GTF2A2: variants seen among roughly 807,000 people sequenced by gnomAD.
The protein encoded by GTF2A2 is transcription initiation factor IIA subunit 2.
Under a neutral mutation model 14.3 loss-of-function variants are expected in GTF2A2, and 9 were observed. The ratio of observed to expected loss-of-function variants is 0.63; its 90% CI spans 0.38 to 1.10. The LOEUF (loss-of-function observed/expected upper bound fraction) is 1.10, where lower values mean the gene tolerates loss of function less well. Ranked by LOEUF, GTF2A2 falls within the 50% of genes least tolerant of loss-of-function variation. The probability of loss-of-function intolerance (pLI) is 0.01; values close to 1 mark genes in which losing one functional copy is unlikely to be tolerated. For missense variants in GTF2A2, 90 were observed against 124.6 expected (o/e 0.72, Z 1.32); for synonymous variants, 56 against 46.0 (o/e 1.22, Z -0.88).
chr15:59,640,959 TAACAAGTCCCC>T (rs1177855892), intron 4 of GTF2A2, among the ~76,000 whole-genome samples: 3 of 152,210 alleles, frequency 2.0e-5, no homozygotes, highest in Non-Finnish European at 2.9e-5. Flanking sequence ...TTCTGAACTA[TAACAAGTCCCC>T]AACAATAACG....
At chr15:59,644,556 G>C (rs536584596) in intron 3 of GTF2A2, among the ~76,000 whole-genome samples, 129 of 152,220 alleles carry the variant, frequency 8.5e-4, no homozygotes, top group Non-Finnish European at 1.6e-3. Flanking sequence ...GTTTAGCAGG[G>C]AGATCATTAA....
In GTF2A2 at chr15:59,642,320, CCAAAG is replaced by C. The variant is rs1256879835; in HGVS notation, c.178-63_178-59del. 16 of 1,481,272 alleles carry C rather than the reference CCAAAG, an allele frequency of 1.1e-5. No homozygotes were observed. In the African/African-American group the frequency reaches 2.0e-4, roughly 18 times the overall value. The allele number at this position is 1,481,272 out of a possible 1,614,324, so 91.8% of individuals were successfully genotyped here. ...ACGTTTTTTCCCCTCACATTTTTCTCCAAAGCAATTTAAGAGATCTTAGCTACCAA... is the reference window on the plus strand; with the variant it reads ...ACGTTTTTTCCCCTCACATTTTTCTCCAATTTAAGAGATCTTAGCTACCAA... On this transcript the variant is annotated intron_variant, in intron 3 of 4. Transcript: ENST00000396060.
rs762668174 is a variant in GTF2A2, at chr15:59,639,109, TA to T, written c.*22del. ...AAGCAATGAATAACAGAAGATGGTGTAAAAAAGTCATATTTTTTCTATTCAT... is the reference window on the plus strand; with the variant it reads ...AAGCAATGAATAACAGAAGATGGTGTAAAAAGTCATATTTTTTCTATTCAT... On this transcript the variant is annotated 3_prime_UTR_variant, in exon 5 of 5. Coordinates refer to ENST00000396060, the MANE Select transcript of GTF2A2 (RefSeq NM_004492.3). 4 of 1,342,344 alleles carry T rather than the reference TA, an allele frequency of 3.0e-6. No individual in the cohort carries two copies. Among genetic ancestry groups the T allele is most frequent in the Non-Finnish European group, 4.3e-6 (4 of 934,898 alleles). 83.2% of individuals were successfully genotyped at this position (1,342,344 alleles called of 1,614,324 possible).
chr15:59,638,926 T>TA lies in GTF2A2; in HGVS notation c.*205dup, dbSNP rs35222026. 32 of 485,766 alleles carry TA rather than the reference T, an allele frequency of 6.6e-5. No individual in the cohort carries two copies. The highest frequency in any genetic ancestry group is 9.0e-5 in the Non-Finnish European group (24 of 268,032). The allele number at this position is 485,766 out of a possible 1,614,324, so 30.1% of individuals were successfully genotyped here. A position where few individuals can be genotyped will look rare whatever the true frequency, so the allele number is the denominator to read the frequency against. On this transcript the variant is annotated 3_prime_UTR_variant, in exon 5 of 5. Coordinates refer to ENST00000396060, the MANE Select transcript of GTF2A2 (RefSeq NM_004492.3). ...TTAGGAAGGCAACAACTTTTGTCCT[T>TA]AAAAAAAAGTTATGGTTTTTCATGC...
intron 3 of GTF2A2, among the ~76,000 whole-genome samples, chr15:59,645,060 C>A (rs1167805995): frequency 2.0e-5 from 3 of 152,118 alleles, no homozygotes; most frequent in African/African-American, 7.2e-5. Context: ...AATGGAGAGA[C>A]TTTTAAAGTA....
At position 59,638,977 on chromosome 15, in the gene GTF2A2, CTACAGAGT is replaced by C; in HGVS notation, c.*147_*154del. The stretch of plus-strand genomic sequence containing the variant: ...TGTATAATAAAGGTGATGTAAGAGG[CTACAGAGT>C]TACAAGTTTCTTTCTACTGGAATTC... On this transcript the variant is annotated 3_prime_UTR_variant, in exon 5 of 5. Coordinates refer to ENST00000396060, the MANE Select transcript of GTF2A2 (RefSeq NM_004492.3). 2 of 620,316 alleles carry C rather than the reference CTACAGAGT, an allele frequency of 3.2e-6. No homozygotes were observed. The highest frequency in any genetic ancestry group is 1.8e-5 in the South Asian group (1 of 56,460). 38.4% of individuals were successfully genotyped at this position (620,316 alleles called of 1,614,324 possible).
intron 4 of GTF2A2, among the ~76,000 whole-genome samples, chr15:59,641,141 C>T (rs1891406868): frequency 1.3e-5 from 2 of 150,810 alleles, no homozygotes; most frequent in South Asian, 4.2e-4. Context: ...GTCACCTGAG[C>T]CCAGGAGTTT....
chr15:59,655,384 G>T (rs1891912722), intron 1 of GTF2A2, among the ~76,000 whole-genome samples: 1 of 152,192 alleles, frequency 6.6e-6, no homozygotes, highest in Non-Finnish European at 1.5e-5. Context: ...TAAGGAAACA[G>T]GTTGGTGAAG....
intron 1 of GTF2A2, among the ~76,000 whole-genome samples, chr15:59,656,654 G>A (rs1397905589): frequency 6.6e-6 from 1 of 152,132 alleles, no homozygotes; most frequent in African/African-American, 2.4e-5. Flanking sequence ...GGAGGGGAGA[G>A]GGGGTTAAAA....
intron 1 of GTF2A2, among the ~76,000 whole-genome samples, chr15:59,653,298 T>G (rs1891848816): frequency 6.6e-6 from 1 of 152,148 alleles, no homozygotes; most frequent in Non-Finnish European, 1.5e-5. Flanking sequence ...GTGTAAGATC[T>G]TGACCTCATG....
chr15:59,640,479 C>A (rs1037472292), intron 4 of GTF2A2, among the ~76,000 whole-genome samples: 5 of 152,134 alleles, frequency 3.3e-5, no homozygotes, highest in Non-Finnish European at 7.3e-5. Flanking sequence ...AATATGGTAA[C>A]CACTGGCTAG....
chr15:59,652,865 G>T (rs1472131598), intron 1 of GTF2A2: 3 of 152,186 alleles, frequency 2.0e-5, no homozygotes, highest in African/African-American at 7.2e-5. Context: ...CTGGGATAAA[G>T]ATACAAAGCA....
rs1477349402 is a variant in GTF2A2 at position 59,638,269 on chromosome 15, G to A, written c.*863C>T. 1 of 152,058 alleles carries A rather than the reference G, an allele frequency of 6.6e-6. No homozygotes were observed. The highest frequency in any genetic ancestry group is 2.4e-5 in the African/African-American group (1 of 41,386). 9.4% of individuals were successfully genotyped at this position (152,058 alleles called of 1,614,324 possible). A position where few individuals can be genotyped will look rare whatever the true frequency, so the allele number is the denominator to read the frequency against. On this transcript the variant is annotated 3_prime_UTR_variant, in exon 5 of 5. Coordinates refer to ENST00000396060, the MANE Select transcript of GTF2A2 (RefSeq NM_004492.3). ...TGGCATGCTGAGGTAACAACTGCAGGAGCATCGAGGTAACAGCAAAAATCT... is the reference window on the plus strand; with the variant it reads ...TGGCATGCTGAGGTAACAACTGCAGAAGCATCGAGGTAACAGCAAAAATCT...
At chr15:59,646,552 G>A (rs370935694) in intron 3 of GTF2A2, among the ~76,000 whole-genome samples, 2 of 152,142 alleles carry the variant, frequency 1.3e-5, no homozygotes, top group African/African-American at 4.8e-5. Context: ...GCCAGTATGT[G>A]AGTATTCACT....
In GTF2A2 at chr15:59,639,087, CAATG is replaced by C. The variant is rs772815113; in HGVS notation, c.*41_*44del. The C allele has an allele frequency of 2.7e-6, 3 of 1,111,868 alleles. No homozygotes were observed. The highest frequency in any genetic ancestry group is 1.4e-6 in the Non-Finnish European group (1 of 725,470). 68.9% of individuals were successfully genotyped at this position (1,111,868 alleles called of 1,614,324 possible). On this transcript the variant is annotated 3_prime_UTR_variant, in exon 5 of 5. Coordinates refer to ENST00000396060, the MANE Select transcript of GTF2A2 (RefSeq NM_004492.3). The stretch of plus-strand genomic sequence containing the variant: ...TCTCTTCTATGCTTCTCTTCAAAAG[CAATG>C]AATAACAGAAGATGGTGTAAAAAAG...
At chr15:59,649,571 G>A (rs181502175) in intron 3 of GTF2A2, among the ~76,000 whole-genome samples, 2 of 152,162 alleles carry the variant, frequency 1.3e-5, no homozygotes, top group Non-Finnish European at 2.9e-5. Context: ...AATTTTGGCA[G>A]AATCATTACT....
At chr15:59,656,613 G>C (rs1891950422) in intron 1 of GTF2A2, among the ~76,000 whole-genome samples, 2 of 152,098 alleles carry the variant, frequency 1.3e-5, no homozygotes, top group Non-Finnish European at 2.9e-5. Flanking sequence ...AGTAAACGAA[G>C]GCAAATATCA....
chr15:59,650,174 G>C (rs552023842), intron 3 of GTF2A2, among the ~76,000 whole-genome samples: 1 of 152,278 alleles, frequency 6.6e-6, no homozygotes, highest in African/African-American at 2.4e-5. Flanking sequence ...ACTGAAGTGA[G>C]ACCAAGCTAC....
intron 3 of GTF2A2, among the ~76,000 whole-genome samples, chr15:59,643,276 C>T (rs577156946): frequency 1.5e-3 from 229 of 151,780 alleles, no homozygotes; most frequent in African/African-American, 5.1e-3. Flanking sequence ...GACAGGGTTT[C>T]ACCACGTTAG....
Sources: allele counts gnomAD v4.1 joint callset (sites outside exome capture counted in the v4.1 genomes callset), GRCh38; gene constraint gnomAD v4.1.1; transcripts MANE v1.5; gene names NCBI Gene and HGNC (gene_info 2026-07-23, HGNC 2026-07-21).